The following MTX2 variants were observed in gnomAD, a reference collection of about 807,000 sequenced individuals.
The protein encoded by MTX2 is metaxin-2.
MTX2 carries 35 observed loss-of-function variants against 42.3 expected under a neutral mutation model. That is an observed-to-expected ratio of 0.83 (90% CI 0.63 to 1.10). The LOEUF (loss-of-function observed/expected upper bound fraction) is 1.10. Ranked by LOEUF, MTX2 falls within the 50% of genes least tolerant of loss-of-function variation. The pLI, the probability that MTX2 is intolerant of heterozygous loss-of-function variation, is 0.00. For missense variants in MTX2, 307 were observed against 304.1 expected (o/e 1.01, Z -0.07); for synonymous variants, 119 against 100.9 (o/e 1.18, Z -1.08).
intron 2 of MTX2, 36 bp downstream of exon 2, chr2:176,296,943 C>G: frequency 3.2e-6 from 5 of 1,574,576 alleles, no homozygotes; most frequent in Non-Finnish European, 4.4e-6. Context: ...GGCTTTGTAT[C>G]AAACTATATT....
In MTX2 at chr2:176,269,467, C is replaced by G. The variant is rs544403308; in HGVS notation, c.-163C>G. 8.1e-5 allele frequency: 60 copies of G among 743,636 alleles called. No individual in the cohort carries two copies. The highest frequency in any genetic ancestry group is 3.0e-4 in the South Asian group (15 of 49,632). The allele number at this position is 743,636 out of a possible 1,614,324, so 46.1% of individuals were successfully genotyped here. ...GTCCCTAGCCAGGCCTGGCGGTAAC[C>G]TTGGGGGCCTCACTGCAGCCGCCGC... On this transcript the variant is annotated 5_prime_UTR_variant, in exon 1 of 10. Coordinates refer to ENST00000249442, the MANE Select transcript of MTX2 (RefSeq NM_006554.5).
At chr2:176,302,477 C>A (rs1329648449) in intron 3 of MTX2, among the ~76,000 whole-genome samples, 2 of 152,036 alleles carry the variant, frequency 1.3e-5, no homozygotes, top group Non-Finnish European at 2.9e-5. Context: ...AGCTCTGTCG[C>A]CCAGGCTGGA....
At chr2:176,315,591 C>T (rs1359448610) in intron 3 of MTX2, among the ~76,000 whole-genome samples, 4 of 152,132 alleles carry the variant, frequency 2.6e-5, no homozygotes. Flanking sequence ...CAGATTACAG[C>T]AATCCCCAGC....
chr2:176,305,741 A>T (rs952693122), intron 3 of MTX2, among the ~76,000 whole-genome samples: 2 of 152,110 alleles, frequency 1.3e-5, no homozygotes, highest in African/African-American at 4.8e-5. Flanking sequence ...AATTGACTCA[A>T]ATATTCCAGG....
chr2:176,287,939 G>A (rs948715818), intron 1 of MTX2, among the ~76,000 whole-genome samples: 6 of 149,148 alleles, frequency 4.0e-5, no homozygotes, highest in East Asian at 2.0e-4. Flanking sequence ...GCAATATGAC[G>A]CTGCACTTCC....
chr2:176,337,284 C>G (rs776679452), intron 9 of MTX2, among the ~76,000 whole-genome samples: 1 of 152,048 alleles, frequency 6.6e-6, no homozygotes. Context: ...TCAAACAGTC[C>G]GCCCACCTCA....
chr2:176,275,547 T>C (rs2105393468), intron 1 of MTX2, among the ~76,000 whole-genome samples: 1 of 152,288 alleles, frequency 6.6e-6, no homozygotes, highest in Non-Finnish European at 1.5e-5. Context: ...CCTAGAATTT[T>C]AAAAGGATAA....
At chr2:176,334,091 T>TA (rs559015749) in intron 9 of MTX2, among the ~76,000 whole-genome samples, 213 of 151,910 alleles carry the variant, frequency 1.4e-3, no homozygotes, top group African/African-American at 4.9e-3. Flanking sequence ...GATCAGTTTT[T>TA]ATATGCTCAT....
chr2:176,326,819 C>T lies in MTX2; in HGVS notation c.209-6C>T. The T allele has an allele frequency of 6.6e-7, 1 of 1,514,314 alleles. No individual in the cohort carries two copies. The highest frequency in any genetic ancestry group is 2.2e-5 in the Admixed American group (1 of 44,496). 93.8% of individuals were successfully genotyped at this position (1,514,314 alleles called of 1,614,324 possible). A position where few individuals can be genotyped will look rare whatever the true frequency, so the allele number is the denominator to read the frequency against. On this transcript the variant is annotated splice_polypyrimidine_tract_variant and splice_region_variant and intron_variant, in intron 4 of 9. Transcript: ENST00000249442. Reference sequence around the variant, plus strand: ...TTTTATAAATACTTTTTTTTTCTCTCAACAGGTAAAGTACCTTTTATTCAT... The same window carrying T: ...TTTTATAAATACTTTTTTTTTCTCTTAACAGGTAAAGTACCTTTTATTCAT...
At chr2:176,282,710 G>GTTTTTT in intron 1 of MTX2, among the ~76,000 whole-genome samples, 1 of 138,930 alleles carries the variant, frequency 7.2e-6, no homozygotes, top group African/African-American at 2.6e-5. Flanking sequence ...TTTTTTTTTT[G>GTTTTTT]TTTTTTTTTT....
At position 176,330,135 on chromosome 2, in the gene MTX2, A is replaced by G. The variant is rs147858270; in HGVS notation, c.544-449A>G. On this transcript the variant is annotated intron_variant, in intron 8 of 9. Transcript: ENST00000249442. ...ATCTATCTCCACTAGTGGGAAAATAACTCAAATGCTTTTACTCATAGTGGG... is the reference window on the plus strand; with the variant it reads ...ATCTATCTCCACTAGTGGGAAAATAGCTCAAATGCTTTTACTCATAGTGGG... 4.0e-5 allele frequency among the ~76,000 whole-genome samples: 6 copies of G among 150,988 alleles called. No homozygotes were observed. The Admixed American group carries it at 4.0e-4, about 10-fold the overall frequency.
intron 4 of MTX2, among the ~76,000 whole-genome samples, chr2:176,326,549 G>A (rs183550162): frequency 7.3e-5 from 11 of 151,692 alleles, no homozygotes; most frequent in Non-Finnish European, 1.5e-5. Flanking sequence ...ATATGTTTGT[G>A]TTGGCTCTGA....
At chr2:176,295,408 CTG>C in intron 1 of MTX2, among the ~76,000 whole-genome samples, 1 of 152,038 alleles carries the variant, frequency 6.6e-6, no homozygotes, top group Non-Finnish European at 1.5e-5. Context: ...ATTTAAAAAA[CTG>C]TTATACAAGT....
intron 8 of MTX2, among the ~76,000 whole-genome samples, chr2:176,330,332 T>C (rs1684829696): frequency 6.7e-6 from 1 of 149,880 alleles, no homozygotes; most frequent in Admixed American, 6.7e-5. Context: ...GTATACAAAG[T>C]ATTATATATA....
chr2:176,303,656 A>C (rs1169305441), intron 3 of MTX2, among the ~76,000 whole-genome samples: 4 of 152,116 alleles, frequency 2.6e-5, no homozygotes, highest in African/African-American at 7.2e-5. Context: ...TAGCAGATTA[A>C]AAAACAAATC....
At chr2:176,304,033 A>T (rs1275382768) in intron 3 of MTX2, among the ~76,000 whole-genome samples, 1 of 152,018 alleles carries the variant, frequency 6.6e-6, no homozygotes, top group Non-Finnish European at 1.5e-5. Flanking sequence ...TTTTTTTAAA[A>T]CAGAAAAAGG....
At chr2:176,324,202 T>G (rs1253899710) in intron 4 of MTX2, among the ~76,000 whole-genome samples, 1 of 151,590 alleles carries the variant, frequency 6.6e-6, no homozygotes, top group Non-Finnish European at 1.5e-5. Context: ...TATAACTGAT[T>G]GGTATAAGTG....
At chr2:176,321,683 A>G (rs1296194234) in intron 3 of MTX2, among the ~76,000 whole-genome samples, 1 of 152,166 alleles carries the variant, frequency 6.6e-6, no homozygotes, top group Non-Finnish European at 1.5e-5. Context: ...AAGAGGAGAT[A>G]CTTTCTCCTT....
chr2:176,291,254 A>G (rs528079252), intron 1 of MTX2, among the ~76,000 whole-genome samples: 1 of 152,296 alleles, frequency 6.6e-6, no homozygotes, highest in South Asian at 2.1e-4. Flanking sequence ...TTGTTTGAGT[A>G]AAGTTTATTT....
Sources: allele counts gnomAD v4.1 joint callset (sites outside exome capture counted in the v4.1 genomes callset), GRCh38; gene constraint gnomAD v4.1.1; transcripts MANE v1.5; gene names NCBI Gene and HGNC (gene_info 2026-07-23, HGNC 2026-07-21).